DPP10: variants seen among roughly 807,000 people sequenced by gnomAD.
DPP10 encodes dipeptidyl peptidase like 10.
Under a neutral mutation model 120.9 loss-of-function variants are expected in DPP10, and 33 were observed. That is an observed-to-expected ratio of 0.27 (90% CI 0.21 to 0.37). The LOEUF (loss-of-function observed/expected upper bound fraction) is 0.37. DPP10 is among the 10% of genes least tolerant of loss of function. DPP10 has a pLI of 1.00. For missense variants in DPP10, 816 were observed against 942.8 expected (o/e 0.87, Z 1.76); for synonymous variants, 337 against 326.1 (o/e 1.03, Z -0.36).
chr2:115,345,992 A>G (rs974100281), intron 3 of DPP10, among the ~76,000 whole-genome samples: 3 of 152,216 alleles, frequency 2.0e-5, no homozygotes, highest in African/African-American at 7.2e-5. Flanking sequence ...ACAACTCTTT[A>G]AATTGGAATA....
intron 1 of DPP10, chr2:115,162,159 C>T: frequency 1.3e-6 from 2 of 1,541,870 alleles, no homozygotes; most frequent in South Asian, 2.4e-5. Flanking sequence ...CGCCCCAGTT[C>T]CAGGCTCTCC....
At chr2:115,450,462 AT>A (rs1433625872) in intron 3 of DPP10, among the ~76,000 whole-genome samples, 4 of 152,008 alleles carry the variant, frequency 2.6e-5, no homozygotes, top group Middle Eastern at 3.4e-3. Flanking sequence ...CTCAACTGAG[AT>A]TTTTTTATTG....
chr2:115,491,233 A>G (rs182606341), intron 3 of DPP10, among the ~76,000 whole-genome samples: 20 of 152,324 alleles, frequency 1.3e-4, no homozygotes, highest in African/African-American at 4.3e-4. Context: ...AAACACTGCT[A>G]GAGGTACTTA....
intron 1 of DPP10, among the ~76,000 whole-genome samples, chr2:114,961,812 G>T (rs1324107364): frequency 6.6e-6 from 1 of 152,016 alleles, no homozygotes; most frequent in Non-Finnish European, 1.5e-5. Flanking sequence ...AAATTAGCCG[G>T]GCATGATGGC....
At chr2:114,983,663 C>T (rs569977283) in intron 1 of DPP10, among the ~76,000 whole-genome samples, 20 of 152,088 alleles carry the variant, frequency 1.3e-4, no homozygotes, top group African/African-American at 4.6e-4. Context: ...TAGCAGACTG[C>T]CAAGTAGACT....
chr2:114,544,276 G>A (rs1443582873), intron 1 of DPP10, among the ~76,000 whole-genome samples: 2 of 152,158 alleles, frequency 1.3e-5, no homozygotes, highest in East Asian at 3.9e-4. Flanking sequence ...GCAGGCATGA[G>A]CCAAAAAGCC....
chr2:114,964,066 G>A (rs534944352), intron 1 of DPP10, among the ~76,000 whole-genome samples: 6 of 152,222 alleles, frequency 3.9e-5, no homozygotes, highest in African/African-American at 1.2e-4. Flanking sequence ...TAAGTTACTC[G>A]ATTTCCATTG....
At chr2:115,331,505 T>C (rs886706929) in intron 2 of DPP10, among the ~76,000 whole-genome samples, 11 of 152,196 alleles carry the variant, frequency 7.2e-5, no homozygotes, top group African/African-American at 2.4e-4. Context: ...TGTGCCAGTT[T>C]TCAAAGGGAA....
In DPP10 at chr2:115,623,151, A is replaced by G. The variant is rs539268951; in HGVS notation, c.442-66536A>G. Among the ~76,000 whole-genome samples the G allele has an allele frequency of 2.4e-3, 363 of 152,076 alleles. 2 individuals carry two copies. Among genetic ancestry groups the G allele is most frequent in the Non-Finnish European group, 4.3e-3 (294 of 67,994 alleles). On this transcript the variant is annotated intron_variant, in intron 5 of 25. Transcript: ENST00000410059. ...TGAGCCACCGTGCCCGGCTCCATTCATTTATTCTTATTGTCTATGGGTATT... is the reference window on the plus strand; with the variant it reads ...TGAGCCACCGTGCCCGGCTCCATTCGTTTATTCTTATTGTCTATGGGTATT...
chr2:114,467,474 A>G (rs1679500400), intron 1 of DPP10, among the ~76,000 whole-genome samples: 1 of 152,186 alleles, frequency 6.6e-6, no homozygotes, highest in South Asian at 2.1e-4. Flanking sequence ...CATTGTGTGG[A>G]TCAAACAAAA....
At chr2:114,451,265 C>A (rs868596508) in intron 1 of DPP10, among the ~76,000 whole-genome samples, 1 of 151,992 alleles carries the variant, frequency 6.6e-6, no homozygotes, top group East Asian at 1.9e-4. Context: ...GACCAGTGAG[C>A]ACAGCATGGT....
chr2:115,214,652 C>CT (rs1282590625), intron 1 of DPP10, among the ~76,000 whole-genome samples: 5 of 152,192 alleles, frequency 3.3e-5, no homozygotes, highest in South Asian at 4.2e-4. Context: ...AGAATCTGTC[C>CT]TTTTTTCTGA....
chr2:114,645,733 G>A (rs1350221190), intron 1 of DPP10, among the ~76,000 whole-genome samples: 3 of 152,124 alleles, frequency 2.0e-5, no homozygotes, highest in Non-Finnish European at 2.9e-5. Flanking sequence ...ACTGAAGCTT[G>A]CCAAGGCAAG....
At chr2:114,784,824 G>A (rs1339013423) in intron 1 of DPP10, among the ~76,000 whole-genome samples, 1 of 152,170 alleles carries the variant, frequency 6.6e-6, no homozygotes, top group Non-Finnish European at 1.5e-5. Flanking sequence ...CCAGTCATTT[G>A]CTAACTGAGC....
intron 19 of DPP10, among the ~76,000 whole-genome samples, chr2:115,806,823 AT>A (rs969441666): frequency 6.6e-6 from 1 of 151,954 alleles, no homozygotes. Flanking sequence ...ACTTTGTTCT[AT>A]TTTTTATCTA....
intron 1 of DPP10, among the ~76,000 whole-genome samples, chr2:114,921,258 G>A (rs1305832557): frequency 2.6e-5 from 4 of 152,110 alleles, no homozygotes; most frequent in Admixed American, 2.0e-4. Context: ...TTGCTGTAAG[G>A]TATTTTGGCC....
chr2:115,587,089 C>CTTTCTTTTTTTT (rs2082333593), intron 5 of DPP10, among the ~76,000 whole-genome samples: 8 of 103,910 alleles, frequency 7.7e-5, no homozygotes, highest in Non-Finnish European at 9.3e-5. Context: ...TTTTCTCTTT[C>CTTTCTTTTTTTT]TTTTTTTTTT....
intron 9 of DPP10, among the ~76,000 whole-genome samples, chr2:115,743,619 A>G (rs778038582): frequency 2.6e-5 from 4 of 151,940 alleles, no homozygotes; most frequent in Non-Finnish European, 5.9e-5. Context: ...ACCATATACT[A>G]TTTTAGGCAC....
chr2:115,415,387 T>G (rs754456410), intron 3 of DPP10, among the ~76,000 whole-genome samples: 3 of 152,190 alleles, frequency 2.0e-5, no homozygotes, highest in Non-Finnish European at 2.9e-5. Context: ...ATCACAAGTA[T>G]GCATTCATGC....
Sources: allele counts gnomAD v4.1 joint callset (sites outside exome capture counted in the v4.1 genomes callset), GRCh38; gene constraint gnomAD v4.1.1; transcripts MANE v1.5; gene names NCBI Gene and HGNC (gene_info 2026-07-23, HGNC 2026-07-21).